The following ZEB1 variants were observed in gnomAD, a reference collection of about 807,000 sequenced individuals.
ZEB1 encodes the protein zinc finger E-box binding homeobox 1.
ZEB1 carries 21 observed loss-of-function variants against 84.9 expected under a neutral mutation model. That is an observed-to-expected ratio of 0.25 (90% confidence interval 0.18 to 0.36). ZEB1 has a LOEUF of 0.36. Among genes scored for constraint, ZEB1 ranks in the 10% least tolerant of loss-of-function variants. The pLI is 1.00. For missense variants in ZEB1, 1,104 were observed against 1,330.2 expected (o/e 0.83, Z 2.65); for synonymous variants, 420 against 471.1 (o/e 0.89, Z 1.41).
At chr10:31,434,994 A>G (rs752693861) in intron 1 of ZEB1, among the ~76,000 whole-genome samples, 2 of 152,148 alleles carry the variant, frequency 1.3e-5, no homozygotes, top group Admixed American at 1.3e-4. Context: ...AAATATGTCC[A>G]TGTCCTAATC....
chr10:31,487,253 A>G (rs961352563), intron 2 of ZEB1, among the ~76,000 whole-genome samples: 3 of 151,356 alleles, frequency 2.0e-5, no homozygotes, highest in Admixed American at 6.6e-5. Flanking sequence ...GCCTTTTCAT[A>G]TAAATTTTAG....
chr10:31,382,309 C>G (rs1403609689), intron 1 of ZEB1, among the ~76,000 whole-genome samples: 2 of 152,124 alleles, frequency 1.3e-5, no homozygotes, highest in African/African-American at 4.8e-5. Flanking sequence ...AACATGCTAT[C>G]TATGTTCATT....
chr10:31,512,324 T>C (rs1245198326), intron 5 of ZEB1, among the ~76,000 whole-genome samples: 1 of 152,052 alleles, frequency 6.6e-6, no homozygotes, highest in Admixed American at 6.6e-5. Flanking sequence ...AACTCCAAAA[T>C]CTTTGATGAG....
At chr10:31,332,675 T>C (rs946821415) in intron 1 of ZEB1, among the ~76,000 whole-genome samples, 9 of 152,216 alleles carry the variant, frequency 5.9e-5, no homozygotes, top group African/African-American at 9.6e-5. Context: ...TTGGAGGTTA[T>C]GCTGTATACT....
chr10:31,328,139 A>G (rs974201670), intron 1 of ZEB1, among the ~76,000 whole-genome samples: 1 of 152,146 alleles, frequency 6.6e-6, no homozygotes, highest in Non-Finnish European at 1.5e-5. Flanking sequence ...GATTATAAAG[A>G]TATTTTCCTG....
chr10:31,518,915 A>G (rs966375997), intron 6 of ZEB1, among the ~76,000 whole-genome samples: 22 of 152,152 alleles, frequency 1.4e-4, no homozygotes, highest in African/African-American at 5.1e-4. Flanking sequence ...TATAACTCAC[A>G]TGTTTAAACT....
chr10:31,517,301 G>A (rs954845692), intron 6 of ZEB1, among the ~76,000 whole-genome samples: 1 of 151,958 alleles, frequency 6.6e-6, no homozygotes, highest in Non-Finnish European at 1.5e-5. Flanking sequence ...AGAACCGTGT[G>A]TGTTAATAAT....
chr10:31,347,389 T>C (rs935407997), intron 1 of ZEB1, among the ~76,000 whole-genome samples: 1 of 152,148 alleles, frequency 6.6e-6, no homozygotes, highest in African/African-American at 2.4e-5. Flanking sequence ...AATTTTAATG[T>C]TTTTAGAGAT....
chr10:31,412,365 T>C (rs1435346978), intron 1 of ZEB1, among the ~76,000 whole-genome samples: 1 of 152,184 alleles, frequency 6.6e-6, no homozygotes, highest in Non-Finnish European at 1.5e-5. Context: ...ACCCATTAAC[T>C]CATCATTTAC....
chr10:31,319,138 G>T (rs773657887), upstream of ZEB1: 7 of 821,610 alleles, frequency 8.5e-6, no homozygotes, highest in Admixed American at 2.1e-5. Context: ...AACCAGGTGC[G>T]GTGGGGAGGG....
intron 1 of ZEB1, among the ~76,000 whole-genome samples, chr10:31,457,265 A>G (rs2061347498): frequency 1.3e-5 from 2 of 152,164 alleles, no homozygotes; most frequent in African/African-American, 2.4e-5. Context: ...GAATTTATCA[A>G]GGGCCTGCAT....
chr10:31,489,083 T>C lies in ZEB1; in HGVS notation c.260-6693T>C, dbSNP rs1025427242. ...GAGGAGTATTAGAAGCCTGCAAGAA[T>C]ATTGTAGATTTGTCTCTACTTTTTG... On this transcript the variant is annotated intron_variant, in intron 2 of 8. Transcript: ENST00000424869. Among the ~76,000 whole-genome samples, 8 of 151,482 alleles carry C rather than the reference T, an allele frequency of 5.3e-5. No homozygotes were observed. The South Asian group carries it at 8.3e-4, about 16-fold the overall frequency.
intron 2 of ZEB1, among the ~76,000 whole-genome samples, chr10:31,479,441 G>A (rs1302844506): frequency 6.6e-6 from 1 of 151,726 alleles, no homozygotes; most frequent in African/African-American, 2.4e-5. Context: ...ATTCAAATAA[G>A]AACACAAGAA....
At chr10:31,324,090 T>G (rs1281970420) in intron 1 of ZEB1, among the ~76,000 whole-genome samples, 7 of 151,964 alleles carry the variant, frequency 4.6e-5, no homozygotes, top group Non-Finnish European at 1.0e-4. Flanking sequence ...ACTTAAATGT[T>G]TATGAACTCA....
chr10:31,520,693 G>A lies in ZEB1; in HGVS notation c.1361G>A (p.Gly454Asp), dbSNP rs761843265. 6.2e-7 allele frequency: 1 copy of A among 1,614,050 alleles called. No homozygotes were observed. Among genetic ancestry groups the A allele is most frequent in the Non-Finnish European group, 8.5e-7 (1 of 1,179,996 alleles). The change falls in exon 7 of 9, where the codon GGC (glycine) becomes GAC (aspartate). Residue 454 changes from glycine to aspartate, a missense_variant. Gly to Asp is a moderately conservative substitution (Grantham distance 94). Around this residue, in one of 7 missense-constraint regions of ZEB1, gnomAD observed 531 missense variants for 575.2 expected, o/e 0.92. Transcript: ENST00000424869. This position sits in a 1 kb window ranked among gnomAD's most constrained non-coding sequence, Gnocchi z 5.1. ...TINASPIQQG[G>D]HSVISAISLP... ...AATGCTTCACCCATACAACAAGGTG[G>A]CCATTCTGTTATTTCAGCCATCAGT...
At chr10:31,425,911 CAT>C (rs1591128819) in intron 1 of ZEB1, among the ~76,000 whole-genome samples, 2 of 152,206 alleles carry the variant, frequency 1.3e-5, no homozygotes, top group East Asian at 3.9e-4. Flanking sequence ...TATATGCATA[CAT>C]ATAAATAGCC....
intron 4 of ZEB1, among the ~76,000 whole-genome samples, chr10:31,506,807 T>G (rs1233543543): frequency 1.3e-5 from 2 of 152,162 alleles, no homozygotes; most frequent in Non-Finnish European, 2.9e-5. Flanking sequence ...GATTTCTGGT[T>G]GTTTTGTGTA....
In ZEB1 at chr10:31,319,308, G is replaced by T. The variant is rs776304903; in HGVS notation, c.58+16G>T. ...CGCAATAACGGTGAGTGGCGGAGGG[G>T]ACCGGGGAGCGGCGGAGTCAGGGGG... On this transcript the variant is annotated intron_variant, in intron 1 of 8. Transcript: ENST00000424869. 1 of 1,604,440 alleles carries T rather than the reference G, an allele frequency of 6.2e-7. No individual in the cohort carries two copies. Among genetic ancestry groups the T allele is most frequent in the East Asian group, 2.2e-5 (1 of 44,454 alleles).
At chr10:31,457,991 C>A (rs2061429821) in intron 1 of ZEB1, among the ~76,000 whole-genome samples, 1 of 152,042 alleles carries the variant, frequency 6.6e-6, no homozygotes, top group Non-Finnish European at 1.5e-5. Flanking sequence ...AGCATAAAAC[C>A]ATGGCCAACT....
Sources: gnomAD v4.1 joint callset for allele counts (sites outside exome capture counted in the v4.1 genomes callset) on GRCh38, gnomAD v4.1.1 for gene constraint, gnomAD v4.1.1 regional missense constraint, Gnocchi (gnomAD v3.1) non-coding constraint, MANE v1.5 for transcripts, NCBI Gene and HGNC (gene_info 2026-07-23, HGNC 2026-07-21) for gene names.